SPOCK3: variants seen among roughly 807,000 people sequenced by gnomAD.
The protein encoded by SPOCK3 is SPARC (osteonectin), cwcv and kazal like domains proteoglycan 3.
In SPOCK3, 30 loss-of-function variants were observed where a neutral mutation model predicts 56.6. The observed-to-expected ratio is 0.53, with a 90% CI of 0.40 to 0.72. SPOCK3 has a LOEUF of 0.72. Among genes scored for constraint, SPOCK3 ranks in the 30% least tolerant of loss-of-function variants. The pLI is 0.00. For missense variants in SPOCK3, 527 were observed against 530.0 expected, an observed-to-expected ratio of 0.99 and a Z score of 0.06; for synonymous variants, 196 against 183.3, an observed-to-expected ratio of 1.07 and a Z score of -0.56.
chr4:166,790,118 A>G (rs1440068509), intron 7 of SPOCK3, among the ~76,000 whole-genome samples: 1 of 152,154 alleles, frequency 6.6e-6, no homozygotes, highest in Non-Finnish European at 1.5e-5. Context: ...AACTCCTTTC[A>G]GTTTTATTTA....
intron 4 of SPOCK3, among the ~76,000 whole-genome samples, chr4:166,912,986 A>G (rs533450482): frequency 2.0e-5 from 3 of 152,302 alleles, no homozygotes; most frequent in Non-Finnish European, 2.9e-5. Context: ...CTAGTCACAT[A>G]TAAATGATAG....
chr4:166,892,898 C>T (rs1440939004), intron 5 of SPOCK3, among the ~76,000 whole-genome samples: 1 of 152,004 alleles, frequency 6.6e-6, no homozygotes, highest in Non-Finnish European at 1.5e-5. Flanking sequence ...AGAGCCCAAC[C>T]TTCAGGGTCA....
intron 3 of SPOCK3, among the ~76,000 whole-genome samples, chr4:167,020,588 C>A (rs1260530075): frequency 6.6e-6 from 1 of 151,996 alleles, no homozygotes; most frequent in Non-Finnish European, 1.5e-5. Context: ...CCCTTGTGTT[C>A]TTCCACCTTC....
At chr4:167,231,376 T>C (rs899520265) in intron 2 of SPOCK3, among the ~76,000 whole-genome samples, 1 of 152,048 alleles carries the variant, frequency 6.6e-6, no homozygotes, top group Non-Finnish European at 1.5e-5. Context: ...TCCAAGGCTT[T>C]TGTATAAATA....
At chr4:166,831,195 T>C (rs1386900917) in intron 6 of SPOCK3, among the ~76,000 whole-genome samples, 2 of 152,224 alleles carry the variant, frequency 1.3e-5, no homozygotes, top group African/African-American at 4.8e-5. Context: ...TATATATATC[T>C]GAATTTGTTA....
At chr4:166,846,415 T>A (rs1748070899) in intron 6 of SPOCK3, among the ~76,000 whole-genome samples, 1 of 152,112 alleles carries the variant, frequency 6.6e-6, no homozygotes, top group Admixed American at 6.6e-5. Flanking sequence ...TAATAGATTA[T>A]CCTTTTTATT....
At chr4:167,223,759 G>A (rs933641093) in intron 2 of SPOCK3, among the ~76,000 whole-genome samples, 3 of 152,050 alleles carry the variant, frequency 2.0e-5, no homozygotes, top group Admixed American at 1.3e-4. Context: ...AGACCAGCTT[G>A]GGCAATATAG....
At chr4:166,753,595 C>T (rs1426609590) in intron 8 of SPOCK3, among the ~76,000 whole-genome samples, 1 of 151,842 alleles carries the variant, frequency 6.6e-6, no homozygotes, top group East Asian at 1.9e-4. Flanking sequence ...AATAAACTAC[C>T]CCATATAATG....
Position 166,889,248 on chromosome 4 carries a change from T to C in SPOCK3, c.475-4A>G. The C allele has an allele frequency of 6.4e-7, 1 of 1,556,112 alleles. No individual in the cohort carries two copies. Among genetic ancestry groups the C allele is most frequent in the Non-Finnish European group, 8.8e-7 (1 of 1,136,842 alleles). ...ATGCCTGATATTCTAGTTTGCACTG[T>C]ATAAAAAGAGAAAAAAAAAGTAATT... On this transcript the variant is annotated splice_polypyrimidine_tract_variant and splice_region_variant and intron_variant, in intron 5 of 10. Transcript: ENST00000357545.
At chr4:166,994,775 A>C (rs1302974729) in intron 4 of SPOCK3, among the ~76,000 whole-genome samples, 1 of 152,170 alleles carries the variant, frequency 6.6e-6, no homozygotes, top group Non-Finnish European at 1.5e-5. Context: ...TAAGATGTAC[A>C]ATCTAAGTAG....
intron 2 of SPOCK3, among the ~76,000 whole-genome samples, chr4:167,205,475 T>TATATATA (rs1170820347): frequency 7.7e-5 from 4 of 52,096 alleles, no homozygotes; most frequent in South Asian, 4.5e-4. Flanking sequence ...GAATTTATTT[T>TATATATA]ATATATAATA....
At chr4:167,157,194 T>C (rs1204933235) in intron 2 of SPOCK3, among the ~76,000 whole-genome samples, 1 of 152,072 alleles carries the variant, frequency 6.6e-6, no homozygotes, top group Non-Finnish European at 1.5e-5. Context: ...AAATTCAAAA[T>C]TATAAAGCTT....
chr4:167,085,524 T>A (rs1340956084), intron 2 of SPOCK3, among the ~76,000 whole-genome samples: 1 of 152,126 alleles, frequency 6.6e-6, no homozygotes, highest in Non-Finnish European at 1.5e-5. Flanking sequence ...TTCCTTTCAA[T>A]GGGAGGTAAT....
intron 2 of SPOCK3, among the ~76,000 whole-genome samples, chr4:167,161,711 C>T (rs372162130): frequency 3.3e-5 from 5 of 151,654 alleles, no homozygotes; most frequent in East Asian, 1.9e-4. Context: ...TATGCAGCCA[C>T]AAAAAATGAT....
intron 6 of SPOCK3, among the ~76,000 whole-genome samples, chr4:166,834,376 T>C (rs150490280): frequency 1.3e-5 from 2 of 152,310 alleles, no homozygotes; most frequent in East Asian, 3.9e-4. Flanking sequence ...CCTATCTTCA[T>C]TGGAGAGTTC....
chr4:166,777,020 T>G (rs1326071829), intron 7 of SPOCK3, among the ~76,000 whole-genome samples: 1 of 152,198 alleles, frequency 6.6e-6, no homozygotes, highest in Non-Finnish European at 1.5e-5. Context: ...TGTTTGTAAT[T>G]ATTAAATGCC....
chr4:167,143,304 T>C (rs755156171), intron 2 of SPOCK3, among the ~76,000 whole-genome samples: 1 of 151,908 alleles, frequency 6.6e-6, no homozygotes, highest in Admixed American at 6.6e-5. Flanking sequence ...TCAGGTAACT[T>C]GTAAAGTGGA....
At chr4:167,231,578 G>A (rs1057215310) in intron 2 of SPOCK3, among the ~76,000 whole-genome samples, 2 of 152,078 alleles carry the variant, frequency 1.3e-5, no homozygotes, top group East Asian at 1.9e-4. Flanking sequence ...TTCAAGTAAT[G>A]CCTTATCGCC....
chr4:166,817,136 G>C (rs1744457298), intron 6 of SPOCK3, among the ~76,000 whole-genome samples: 1 of 151,998 alleles, frequency 6.6e-6, no homozygotes, highest in African/African-American at 2.4e-5. Context: ...TTTCCCGAAG[G>C]TCTGATTCAC....
Sources: allele counts gnomAD v4.1 joint callset (sites outside exome capture counted in the v4.1 genomes callset), GRCh38; gene constraint gnomAD v4.1.1; transcripts MANE v1.5; gene names NCBI Gene and HGNC (gene_info 2026-07-23, HGNC 2026-07-21).